Variants in SLC25A26 observed in about 807,000 individuals in gnomAD.
SLC25A26 encodes the protein mitochondrial S-adenosylmethionine carrier protein.
A neutral mutation model predicts 37.8 loss-of-function variants in SLC25A26; 36 were observed. The ratio of observed to expected loss-of-function variants is 0.95; its 90% CI spans 0.73 to 1.26. The LOEUF (loss-of-function observed/expected upper bound fraction) is 1.26, where lower values mean the gene tolerates loss of function less well. Ranked by LOEUF, SLC25A26 falls within the 50% of genes most tolerant of loss-of-function variation. The pLI is 0.00. For synonymous variants in SLC25A26, 129 were observed against 122.5 expected, an observed-to-expected ratio of 1.05 and a Z score of -0.35; for missense variants, 390 against 331.1, an observed-to-expected ratio of 1.18 and a Z score of -1.38.
chr3:66,311,723 A>T (rs2107604469), intron 5 of SLC25A26, among the ~76,000 whole-genome samples: 1 of 151,838 alleles, frequency 6.6e-6, no homozygotes, highest in East Asian at 1.9e-4. Flanking sequence ...TATGTTTGTT[A>T]GTTTTCCTTC....
At chr3:66,138,625 G>A (rs970776767) in intron 1 of SLC25A26, among the ~76,000 whole-genome samples, 1 of 151,274 alleles carries the variant, frequency 6.6e-6, no homozygotes, top group African/African-American at 2.4e-5. Context: ...AGACAATTTG[G>A]TGGGAGGATT....
chr3:66,362,749 G>A, intron 6 of SLC25A26, 111 bp from the exon 7 acceptor site: 1 of 609,264 alleles, frequency 1.6e-6, no homozygotes, highest in Non-Finnish European at 2.8e-6. Flanking sequence ...AGTAAAGAAT[G>A]CCACCAAAAT....
At chr3:66,252,464 G>A (rs9310355) in intron 3 of SLC25A26, among the ~76,000 whole-genome samples, 4,445 of 152,242 alleles carry the variant, frequency 0.029, 194 homozygotes, top group African/African-American at 0.097. Flanking sequence ...TACACAGATC[G>A]GGGTCAGATT....
At chr3:66,333,870 C>T (rs2076034194) in intron 5 of SLC25A26, among the ~76,000 whole-genome samples, 1 of 152,158 alleles carries the variant, frequency 6.6e-6, no homozygotes, top group Non-Finnish European at 1.5e-5. Context: ...CTCCAGTTCC[C>T]TCCTCTGTAT....
At chr3:66,241,967 C>G (rs559607597) in intron 2 of SLC25A26, among the ~76,000 whole-genome samples, 3 of 151,942 alleles carry the variant, frequency 2.0e-5, no homozygotes, top group African/African-American at 7.2e-5. Context: ...AGCCCAGCCC[C>G]TATTCTTTGC....
chr3:66,213,215 C>T (rs979662027), intron 1 of SLC25A26, among the ~76,000 whole-genome samples: 1 of 151,810 alleles, frequency 6.6e-6, no homozygotes, highest in East Asian at 1.9e-4. Context: ...GCTTGGCCAA[C>T]GTGGTGAAAC....
chr3:66,278,948 G>T (rs1171779225), intron 5 of SLC25A26, among the ~76,000 whole-genome samples: 1 of 152,032 alleles, frequency 6.6e-6, no homozygotes, highest in African/African-American at 2.4e-5. Context: ...TTGTATTATT[G>T]AGAAGACTTC....
intron 5 of SLC25A26, among the ~76,000 whole-genome samples, chr3:66,277,990 T>A (rs942442984): frequency 1.4e-4 from 22 of 152,044 alleles, no homozygotes; most frequent in Non-Finnish European, 3.2e-4. Context: ...ACACAACAAG[T>A]AAATGCAGTG....
chr3:66,328,710 C>T (rs2075898956), intron 5 of SLC25A26, among the ~76,000 whole-genome samples: 1 of 152,054 alleles, frequency 6.6e-6, no homozygotes, highest in South Asian at 2.1e-4. Context: ...TGAACATTTC[C>T]TAGTTAGCAG....
chr3:66,332,823 G>T (rs1324933732), intron 5 of SLC25A26, among the ~76,000 whole-genome samples: 5 of 152,128 alleles, frequency 3.3e-5, no homozygotes, highest in African/African-American at 1.2e-4. Flanking sequence ...TGCTGCTCTT[G>T]TCTCTCCTGT....
At chr3:66,180,027 GC>G (rs36127995) in intron 1 of SLC25A26, among the ~76,000 whole-genome samples, 37,900 of 151,982 alleles carry the variant, frequency 0.25, 5,511 homozygotes, top group South Asian at 0.4. Context: ...GAGATGCATT[GC>G]AAAACCCTTT....
chr3:66,174,148 C>T (rs138843321), intron 1 of SLC25A26, among the ~76,000 whole-genome samples: 1 of 151,914 alleles, frequency 6.6e-6, no homozygotes, highest in Non-Finnish European at 1.5e-5. Flanking sequence ...ATAGGATGCT[C>T]CTGTTCAGTA....
At chr3:66,173,279 T>C (rs914901642) in intron 1 of SLC25A26, among the ~76,000 whole-genome samples, 2 of 152,206 alleles carry the variant, frequency 1.3e-5, no homozygotes, top group Non-Finnish European at 2.9e-5. Context: ...CTGGGTCACA[T>C]GCTTTCCCCG....
At chr3:66,165,602 G>T (rs1263650817) in intron 1 of SLC25A26, among the ~76,000 whole-genome samples, 3 of 152,078 alleles carry the variant, frequency 2.0e-5, no homozygotes, top group African/African-American at 7.2e-5. Flanking sequence ...TTGTGAACGT[G>T]AAACAAACTA....
intron 1 of SLC25A26, among the ~76,000 whole-genome samples, chr3:66,154,540 C>CTTTTTTTTTTTTTT (rs60639995): frequency 7.7e-6 from 1 of 130,404 alleles, no homozygotes; most frequent in Non-Finnish European, 1.6e-5. Context: ...TTCTTTTTTT[C>CTTTTTTTTTTTTTT]TTTTTTTTTT....
chr3:66,265,311 G>GA (rs960513284), intron 5 of SLC25A26, among the ~76,000 whole-genome samples: 1 of 151,176 alleles, frequency 6.6e-6, no homozygotes, highest in African/African-American at 2.4e-5. Flanking sequence ...TCTCAAAAAA[G>GA]AAAAAAAATA....
intron 1 of SLC25A26, among the ~76,000 whole-genome samples, chr3:66,134,933 C>T (rs1025673551): frequency 6.6e-5 from 10 of 151,942 alleles, no homozygotes; most frequent in Non-Finnish European, 1.2e-4. Context: ...CAGGTTCAAG[C>T]GATTCTCCTG....
intron 3 of SLC25A26, among the ~76,000 whole-genome samples, chr3:66,258,683 A>C (rs2073401267): frequency 6.6e-6 from 1 of 152,066 alleles, no homozygotes; most frequent in Non-Finnish European, 1.5e-5. Flanking sequence ...TGGTATTTAG[A>C]TTTCACTGTA....
At chr3:66,254,292 T>A (rs2073215428) in intron 3 of SLC25A26, among the ~76,000 whole-genome samples, 1 of 152,188 alleles carries the variant, frequency 6.6e-6, no homozygotes, top group Non-Finnish European at 1.5e-5. Flanking sequence ...TAGAAAGAGA[T>A]GTAAAATATT....
Sources: gnomAD v4.1 joint callset for allele counts (sites outside exome capture counted in the v4.1 genomes callset) on GRCh38, gnomAD v4.1.1 for gene constraint, MANE v1.5 for transcripts, NCBI Gene and HGNC (gene_info 2026-07-23, HGNC 2026-07-21) for gene names.